DCAF8L2: variants seen among roughly 807,000 people sequenced by gnomAD.
DCAF8L2 encodes the protein DDB1 and CUL4 associated factor 8 like 2.
For missense variants in DCAF8L2, 430 were observed against 490.7 expected (o/e 0.88, Z 1.17); for synonymous variants, 200 against 190.9 (o/e 1.05, Z -0.39).
the DCAF8L2 span, among the ~76,000 whole-genome samples, chrX:27,482,239 T>A: frequency 9.0e-6 from 1 of 111,629 alleles, no homozygotes; most frequent in African/African-American, 3.2e-5. Context: ...AACAAATCTT[T>A]TAGGTTGTGG....
chrX:27,733,220 C>A (rs1874271527), intron 4 of DCAF8L2, among the ~76,000 whole-genome samples: 1 of 111,451 alleles, frequency 9.0e-6, no homozygotes, highest in East Asian at 2.8e-4. Context: ...TGATAATATC[C>A]ATCCTAACAG....
intron 4 of DCAF8L2, among the ~76,000 whole-genome samples, chrX:27,722,466 A>T (rs986139695): frequency 8.9e-6 from 1 of 111,764 alleles, no homozygotes. Flanking sequence ...TAATGCAAAT[A>T]TTATTCTATA....
At chrX:27,565,375 T>C in the DCAF8L2 span, among the ~76,000 whole-genome samples, 2 of 111,621 alleles carry the variant, frequency 1.8e-5, no homozygotes, top group South Asian at 3.8e-4. Context: ...TGTATATATA[T>C]TGACCCATCC....
At chrX:27,612,501 T>C (rs1195066966) in intron 1 of DCAF8L2, among the ~76,000 whole-genome samples, 1 of 112,150 alleles carries the variant, frequency 8.9e-6, no homozygotes. Context: ...TTTTGTGTTT[T>C]AGTCATGAAG....
chrX:27,634,010 C>T (rs1033290909), intron 2 of DCAF8L2, among the ~76,000 whole-genome samples: 1 of 111,427 alleles, frequency 9.0e-6, no homozygotes, highest in East Asian at 2.8e-4. Context: ...GACTATATCC[C>T]ATCTCTATAT....
the DCAF8L2 span, among the ~76,000 whole-genome samples, chrX:27,547,891 TTCTC>T: frequency 4.1e-3 from 235 of 57,179 alleles, 5 homozygotes; most frequent in Non-Finnish European, 6.9e-3. Context: ...CTCTCTCTCT[TTCTC>T]TCTCTCTCTC....
the DCAF8L2 span, among the ~76,000 whole-genome samples, chrX:27,525,355 C>T: frequency 9.0e-6 from 1 of 111,414 alleles, no homozygotes; most frequent in African/African-American, 3.3e-5. Context: ...ATTGCAACTC[C>T]TGCCTTTTTT....
chrX:27,507,863 A>G, the DCAF8L2 span, among the ~76,000 whole-genome samples: 1 of 111,586 alleles, frequency 9.0e-6, no homozygotes. Flanking sequence ...GACAGTTTGT[A>G]TAATATAATC....
chrX:27,687,405 G>A (rs1433106106), intron 3 of DCAF8L2, among the ~76,000 whole-genome samples: 2 of 111,957 alleles, frequency 1.8e-5, no homozygotes, highest in African/African-American at 6.5e-5. Context: ...AAATAAGGTA[G>A]CAAGAGAAAC....
rs754830405 is a variant in DCAF8L2 at position 27,635,786 on chromosome X, CGTGTGTGTGTGTGTGT to C, written c.-220+3816_-220+3831del. Among the ~76,000 whole-genome samples, 12 of 90,409 alleles carry C rather than the reference CGTGTGTGTGTGTGTGT, an allele frequency of 1.3e-4. 1 individual carries two copies. Among genetic ancestry groups the C allele is most frequent in the South Asian group, 5.8e-4 (1 of 1,710 alleles). The allele number at this position is 90,409 out of a possible 115,157, so 78.5% of individuals were successfully genotyped here. On this transcript the variant is annotated intron_variant, in intron 2 of 4. Coordinates refer to ENST00000451261, the MANE Select transcript of DCAF8L2 (RefSeq NM_001353450.2). ...AACGTATGAAAGCAATTTCCTTTTA[CGTGTGTGTGTGTGTGT>C]GTGTGTGTGTGTGTGTGTGTGTGTG... is the stretch of plus-strand genomic sequence containing the variant.
At chrX:27,510,344 A>T in the DCAF8L2 span, among the ~76,000 whole-genome samples, 3 of 110,187 alleles carry the variant, frequency 2.7e-5, no homozygotes, top group Non-Finnish European at 5.7e-5. Context: ...TTAATTGAAG[A>T]GGCAGATTGT....
the DCAF8L2 span, among the ~76,000 whole-genome samples, chrX:27,551,450 A>G: frequency 1.2e-4 from 13 of 111,392 alleles, no homozygotes; most frequent in East Asian, 3.4e-3. Flanking sequence ...TAAACTTAAT[A>G]GAATACAGTA....
intron 1 of DCAF8L2, among the ~76,000 whole-genome samples, chrX:27,626,124 AAAG>A (rs1356312406): frequency 8.9e-6 from 1 of 112,141 alleles, no homozygotes; most frequent in East Asian, 2.8e-4. Context: ...TGAAAACTTA[AAAG>A]AAGGGCTTTT....
At chrX:27,530,898 G>C in the DCAF8L2 span, among the ~76,000 whole-genome samples, 9 of 111,839 alleles carry the variant, frequency 8.0e-5, no homozygotes, top group Non-Finnish European at 1.7e-4. Flanking sequence ...GAAAGCTTAG[G>C]ATGAGAGGGA....
the DCAF8L2 span, among the ~76,000 whole-genome samples, chrX:27,500,155 T>C: frequency 6.3e-5 from 7 of 111,866 alleles, no homozygotes; most frequent in African/African-American, 2.3e-4. Flanking sequence ...GTATTATCTC[T>C]TACAGATACT....
chrX:27,651,567 T>G (rs955109754), intron 2 of DCAF8L2, among the ~76,000 whole-genome samples: 6 of 99,698 alleles, frequency 6.0e-5, no homozygotes, highest in Admixed American at 4.6e-4. Flanking sequence ...TGGAGTGCAG[T>G]GGCACGATCT....
intron 3 of DCAF8L2, among the ~76,000 whole-genome samples, chrX:27,709,162 C>T (rs1017851325): frequency 4.1e-5 from 3 of 73,376 alleles, no homozygotes; most frequent in Admixed American, 3.7e-4. Flanking sequence ...CTCAGGTGAT[C>T]CACCTGCCTC....
At chrX:27,592,423 T>TG (rs1926148435) in intron 1 of DCAF8L2, among the ~76,000 whole-genome samples, 1 of 108,341 alleles carries the variant, frequency 9.2e-6, no homozygotes, top group Non-Finnish European at 1.9e-5. Flanking sequence ...TTTTGTTTTT[T>TG]TTTTTTTTGG....
At chrX:27,656,560 G>A (rs1205099056) in intron 2 of DCAF8L2, among the ~76,000 whole-genome samples, 1 of 111,757 alleles carries the variant, frequency 8.9e-6, no homozygotes, top group African/African-American at 3.3e-5. Flanking sequence ...GGCTTCATGG[G>A]TGCTGCCTAA....
Sources: gnomAD v4.1 joint callset for allele counts (sites outside exome capture counted in the v4.1 genomes callset) on GRCh38, gnomAD v4.1.1 for gene constraint, MANE v1.5 for transcripts, NCBI Gene and HGNC (gene_info 2026-07-23, HGNC 2026-07-21) for gene names.